COL4A6: variants seen among roughly 807,000 people sequenced by gnomAD.
The protein encoded by COL4A6 is collagen alpha-6(IV) chain.
A neutral mutation model predicts 126.7 loss-of-function variants in COL4A6; 59 were observed. The ratio of observed to expected loss-of-function variants is 0.47; its 90% CI spans 0.38 to 0.58. The LOEUF (loss-of-function observed/expected upper bound fraction) is 0.58. Among genes scored for constraint, COL4A6 ranks in the 20% least tolerant of loss-of-function variants. COL4A6 has a pLI of 0.00. For synonymous variants in COL4A6, 547 were observed against 496.6 expected (o/e 1.10, Z -1.35); for missense variants, 1,285 against 1,337.3 (o/e 0.96, Z 0.61).
At chrX:108,434,065 C>T (rs1018684695) in intron 2 of COL4A6, among the ~76,000 whole-genome samples, 2 of 111,840 alleles carry the variant, frequency 1.8e-5, no homozygotes, top group Non-Finnish European at 3.8e-5. Flanking sequence ...AGTCATATGG[C>T]TTGATTATGA....
intron 3 of COL4A6, among the ~76,000 whole-genome samples, chrX:108,246,452 A>G (rs939917519): frequency 1.8e-5 from 2 of 112,112 alleles, no homozygotes; most frequent in East Asian, 5.6e-4. Context: ...TGTTACAGCT[A>G]CTTAACTCTA....
At chrX:108,246,748 C>A (rs2036726289) in intron 3 of COL4A6, among the ~76,000 whole-genome samples, 1 of 107,474 alleles carries the variant, frequency 9.3e-6, no homozygotes, top group Admixed American at 9.9e-5. Flanking sequence ...TCCTATTAGT[C>A]CAGCCTAGGA....
chrX:108,250,437 A>T (rs184622237), intron 3 of COL4A6, among the ~76,000 whole-genome samples: 57 of 111,170 alleles, frequency 5.1e-4, no homozygotes, highest in African/African-American at 1.8e-3. Context: ...GAAATAATTA[A>T]TTCTAGCCCC....
intron 2 of COL4A6, among the ~76,000 whole-genome samples, chrX:108,425,524 G>T (rs1443121548): frequency 3.6e-5 from 4 of 110,127 alleles, no homozygotes; most frequent in African/African-American, 1.3e-4. Context: ...CACGAGGTCA[G>T]GAGATCGAGA....
At chrX:108,335,088 A>T (rs2039398986) in intron 2 of COL4A6, among the ~76,000 whole-genome samples, 1 of 112,303 alleles carries the variant, frequency 8.9e-6, no homozygotes, top group South Asian at 3.6e-4. Context: ...ATTTCATTTC[A>T]TTTGGAAAAA....
At chrX:108,346,268 A>G (rs2039704052) in intron 2 of COL4A6, among the ~76,000 whole-genome samples, 1 of 111,407 alleles carries the variant, frequency 9.0e-6, no homozygotes, top group Admixed American at 9.5e-5. Context: ...TTACAACATC[A>G]CCATAGAGAA....
intron 2 of COL4A6, among the ~76,000 whole-genome samples, chrX:108,353,290 T>G (rs1603145570): frequency 8.9e-6 from 1 of 112,382 alleles, no homozygotes; most frequent in East Asian, 2.8e-4. Flanking sequence ...CTTCTCTTTT[T>G]ATCATGGAAT....
chrX:108,406,178 C>T, intron 2 of COL4A6, among the ~76,000 whole-genome samples: 1 of 111,466 alleles, frequency 9.0e-6, no homozygotes, highest in Non-Finnish European at 1.9e-5. Flanking sequence ...ACTATGTTGC[C>T]TAGGCTGGTG....
chrX:108,230,114 G>A (rs1411330805), intron 3 of COL4A6, among the ~76,000 whole-genome samples: 1 of 111,508 alleles, frequency 9.0e-6, no homozygotes, highest in Non-Finnish European at 1.9e-5. Flanking sequence ...CCTTTGGACA[G>A]GTGGAATTTA....
At chrX:108,369,412 C>T (rs991534931) in intron 2 of COL4A6, among the ~76,000 whole-genome samples, 12 of 111,435 alleles carry the variant, frequency 1.1e-4, no homozygotes, top group Non-Finnish European at 2.3e-4. Flanking sequence ...AATTTGTTGG[C>T]TTTGCTTTCC....
chrX:108,265,155 C>A (rs2037266208), intron 3 of COL4A6, among the ~76,000 whole-genome samples: 1 of 111,325 alleles, frequency 9.0e-6, no homozygotes, highest in Non-Finnish European at 1.9e-5. Flanking sequence ...GGTCCCTATA[C>A]TGCTTTGACA....
chrX:108,224,841 C>G (rs941019668), intron 3 of COL4A6, among the ~76,000 whole-genome samples: 5 of 111,068 alleles, frequency 4.5e-5, no homozygotes, highest in African/African-American at 1.6e-4. Flanking sequence ...CTTTCCCACC[C>G]CGACACTATC....
intron 2 of COL4A6, among the ~76,000 whole-genome samples, chrX:108,371,779 T>C (rs1156884377): frequency 1.1e-4 from 9 of 79,289 alleles, no homozygotes; most frequent in African/African-American, 4.0e-4. Context: ...AACAAACAAA[T>C]ACATAAATAA....
Position 108,174,565 on chromosome X carries a change from G to A in COL4A6, c.3013C>T (p.Leu1005Phe). The A allele has an allele frequency of 8.3e-7, 1 of 1,205,277 alleles. No individual in the cohort carries two copies. Among genetic ancestry groups the A allele is most frequent in the Non-Finnish European group, 1.1e-6 (1 of 892,997 alleles). ...GPPGLPGAPG[L>F]PGIIKGVSGK... ...CTAACTCCTTTGATAATGCCTGGGA[G>A]GCCAGGAGCTCCAGGTAGGCCTGGT... The change falls in exon 31 of 45, where the codon CTC becomes TTC. Residue 1005 changes from leucine (L) to phenylalanine (F), a missense_variant. Leu to Phe is a conservative substitution (Grantham distance 22). Coordinates refer to ENST00000334504, the MANE Select transcript of COL4A6 (RefSeq NM_033641.4).
chrX:108,384,184 T>C (rs185312107), intron 2 of COL4A6, among the ~76,000 whole-genome samples: 15 of 111,695 alleles, frequency 1.3e-4, no homozygotes, highest in Non-Finnish European at 1.9e-4. Flanking sequence ...CTTAGCCACT[T>C]ACCCATTCAC....
In COL4A6 at chrX:108,156,737, C is replaced by A; in HGVS notation, c.*263G>T. 1 of 396,871 alleles carries A rather than the reference C, an allele frequency of 2.5e-6. No homozygotes were observed. The allele number at this position is 396,871 out of a possible 1,213,427, so 32.7% of individuals were successfully genotyped here. A position where few individuals can be genotyped will look rare whatever the true frequency, so the allele number is the denominator to read the frequency against. On this transcript the variant is annotated 3_prime_UTR_variant, in exon 45 of 45. Coordinates refer to ENST00000334504, the MANE Select transcript of COL4A6 (RefSeq NM_033641.4). ...GCCCATCAAATCTTTCTGAGGTAGC[C>A]ATGAATAGTCACACAATCATCCAAA...
intron 3 of COL4A6, among the ~76,000 whole-genome samples, chrX:108,223,695 G>C (rs964200911): frequency 1.8e-5 from 2 of 111,347 alleles, no homozygotes; most frequent in African/African-American, 6.5e-5. Flanking sequence ...GGAGAAGAGC[G>C]GTCTTTCAGG....
chrX:108,190,373 C>T lies in COL4A6; in HGVS notation c.1426+19G>A. The stretch of plus-strand genomic sequence containing the variant: ...CTAAGGAGTTTGGAGGACCAAGAAA[C>T]TCAAGGGGACAAAATCACCTTTTAT... On this transcript the variant is annotated intron_variant, in intron 20 of 44. Transcript: ENST00000334504. 1 of 1,135,784 alleles carries T rather than the reference C, an allele frequency of 8.8e-7. No homozygotes were observed. Among genetic ancestry groups the T allele is most frequent in the Admixed American group, 2.3e-5 (1 of 44,232 alleles). The allele number at this position is 1,135,784 out of a possible 1,213,427, so 93.6% of individuals were successfully genotyped here.
chrX:108,317,413 A>G (rs1487636338), intron 2 of COL4A6, among the ~76,000 whole-genome samples: 1 of 112,210 alleles, frequency 8.9e-6, no homozygotes, highest in Non-Finnish European at 1.9e-5. Flanking sequence ...GAATTCAAGG[A>G]AGATGCCTTA....
Sources: gnomAD v4.1 joint callset for allele counts (sites outside exome capture counted in the v4.1 genomes callset) on GRCh38, gnomAD v4.1.1 for gene constraint, MANE v1.5 for transcripts, NCBI Gene and HGNC (gene_info 2026-07-23, HGNC 2026-07-21) for gene names.